The following NR3C2 variants were observed in gnomAD, a reference collection of about 807,000 sequenced individuals.
NR3C2 encodes mineralocorticoid receptor.
Under a neutral mutation model 86.4 loss-of-function variants are expected in NR3C2, and 15 were observed. The observed-to-expected ratio is 0.17, with a 90% CI of 0.12 to 0.27. The LOEUF is 0.27. Ranked by LOEUF, NR3C2 falls within the 10% of genes least tolerant of loss-of-function variation. The pLI, the probability that NR3C2 is intolerant of heterozygous loss-of-function variation, is 1.00. For missense variants in NR3C2, 960 were observed against 1,195.6 expected (o/e 0.80, Z 2.91); for synonymous variants, 458 against 450.5 (o/e 1.02, Z -0.21).
intron 6 of NR3C2, among the ~76,000 whole-genome samples, chr4:148,136,056 C>CAAAAAAAAAAAAAAAA (rs199716496): frequency 1.2e-3 from 86 of 71,076 alleles, no homozygotes; most frequent in South Asian, 2.0e-3. Context: ...GACTCCGTCT[C>CAAAAAAAAAAAAAAAA]AAAAAAAAAA....
At chr4:148,210,181 T>TTTTTTG (rs531120437) in intron 3 of NR3C2, among the ~76,000 whole-genome samples, 2 of 151,870 alleles carry the variant, frequency 1.3e-5, no homozygotes, top group African/African-American at 2.4e-5. Context: ...TTTTAGGTGT[T>TTTTTTG]TTTTTGTTTT....
intron 2 of NR3C2, among the ~76,000 whole-genome samples, chr4:148,312,790 C>T (rs917243309): frequency 1.3e-5 from 2 of 152,136 alleles, no homozygotes; most frequent in Non-Finnish European, 2.9e-5. Flanking sequence ...TAAGTTGATA[C>T]ATTCTTGCTT....
At chr4:148,364,244 C>T (rs1034511330) in intron 2 of NR3C2, among the ~76,000 whole-genome samples, 1 of 152,180 alleles carries the variant, frequency 6.6e-6, no homozygotes, top group Non-Finnish European at 1.5e-5. Flanking sequence ...AGGAGCTTCG[C>T]CATACTACTA....
chr4:148,303,276 C>G (rs1742435110), intron 2 of NR3C2, among the ~76,000 whole-genome samples: 1 of 152,148 alleles, frequency 6.6e-6, no homozygotes, highest in Non-Finnish European at 1.5e-5. Flanking sequence ...TGTGAACCAA[C>G]CAACAATCTC....
intron 2 of NR3C2, among the ~76,000 whole-genome samples, chr4:148,295,160 G>C (rs753557686): frequency 7.2e-5 from 11 of 151,968 alleles, no homozygotes; most frequent in Non-Finnish European, 8.8e-5. Flanking sequence ...TTTGTATTTT[G>C]CCTGATCTTA....
At chr4:148,145,712 G>A (rs1255557072) in intron 6 of NR3C2, among the ~76,000 whole-genome samples, 3 of 152,182 alleles carry the variant, frequency 2.0e-5, no homozygotes, top group Admixed American at 6.5e-5. Flanking sequence ...TCGGCTGCAG[G>A]CCTTGGTCCT....
intron 4 of NR3C2, among the ~76,000 whole-genome samples, chr4:148,160,842 T>C (rs1734624921): frequency 6.6e-6 from 1 of 152,178 alleles, no homozygotes; most frequent in Non-Finnish European, 1.5e-5. Context: ...CCCTCATACA[T>C]GGGGCACGAA....
intron 8 of NR3C2, among the ~76,000 whole-genome samples, chr4:148,106,573 A>G (rs534248164): frequency 1.3e-5 from 2 of 152,350 alleles, no homozygotes; most frequent in African/African-American, 4.8e-5. Flanking sequence ...CTAAGAAAAA[A>G]GAAAAAAGTT....
intron 7 of NR3C2, among the ~76,000 whole-genome samples, chr4:148,119,025 A>G (rs562605009): frequency 6.6e-6 from 1 of 152,234 alleles, no homozygotes; most frequent in Admixed American, 6.5e-5. Flanking sequence ...AGAGACCCTT[A>G]TAAAGCCATA....
Position 148,171,439 on chromosome 4 carries a change from C to G in NR3C2, c.2015-16538G>C, listed in dbSNP as rs536788105. Among the ~76,000 whole-genome samples, 163 of 152,278 alleles carry G rather than the reference C, an allele frequency of 1.1e-3. 1 individual carries two copies. Among genetic ancestry groups the G allele is most frequent in the African/African-American group, 3.8e-3 (157 of 41,548 alleles). On this transcript the variant is annotated intron_variant, in intron 4 of 8. Transcript: ENST00000358102. ...GCAGTGGTTCCCAACCTTTTGGGCA[C>G]CAGGGACTGGTTTTGTGGAGGACAT...
intron 2 of NR3C2, among the ~76,000 whole-genome samples, chr4:148,302,003 T>C (rs1290994899): frequency 6.6e-6 from 1 of 152,250 alleles, no homozygotes; most frequent in African/African-American, 2.4e-5. Context: ...AAGATTGTTA[T>C]GTTAAGTTAT....
At chr4:148,132,061 T>G (rs930372154) in intron 6 of NR3C2, among the ~76,000 whole-genome samples, 1 of 152,184 alleles carries the variant, frequency 6.6e-6, no homozygotes, top group Non-Finnish European at 1.5e-5. Context: ...TATACAGTAG[T>G]TTTTAAAATA....
intron 6 of NR3C2, among the ~76,000 whole-genome samples, chr4:148,126,135 C>T (rs974187144): frequency 6.6e-6 from 1 of 152,230 alleles, no homozygotes; most frequent in African/African-American, 2.4e-5. Flanking sequence ...AGCCCATCAG[C>T]CTTTCAGCAT....
intron 2 of NR3C2, among the ~76,000 whole-genome samples, chr4:148,380,498 T>C (rs1054847702): frequency 1.3e-5 from 2 of 152,216 alleles, no homozygotes; most frequent in African/African-American, 2.4e-5. Flanking sequence ...GAATTCTATA[T>C]TTAAACTTTT....
intron 4 of NR3C2, among the ~76,000 whole-genome samples, chr4:148,171,544 T>C (rs1175117954): frequency 6.6e-6 from 1 of 152,190 alleles, no homozygotes; most frequent in Non-Finnish European, 1.5e-5. Context: ...TATATTCTCA[T>C]AAGAAATGCA....
chr4:148,305,540 TAA>T (rs3054606), intron 2 of NR3C2, among the ~76,000 whole-genome samples: 17 of 134,764 alleles, frequency 1.3e-4, no homozygotes, highest in Admixed American at 1.5e-4. Context: ...CATTCTTTCT[TAA>T]AAAAAAAAAA....
At chr4:148,084,433 G>A (rs1280835230) in intron 8 of NR3C2, among the ~76,000 whole-genome samples, 5 of 152,172 alleles carry the variant, frequency 3.3e-5, no homozygotes, top group African/African-American at 1.2e-4. Flanking sequence ...ATAAGTGAAG[G>A]AGAAATAAAA....
At chr4:148,129,222 C>G (rs561044340) in intron 6 of NR3C2, among the ~76,000 whole-genome samples, 8 of 152,286 alleles carry the variant, frequency 5.3e-5, no homozygotes, top group South Asian at 4.1e-4. Context: ...TATGCTACAC[C>G]ATGGATGAAG....
At chr4:148,155,277 T>C (rs966716169) in intron 4 of NR3C2, among the ~76,000 whole-genome samples, 1 of 152,160 alleles carries the variant, frequency 6.6e-6, no homozygotes, top group Non-Finnish European at 1.5e-5. Context: ...GCAGTGCAGG[T>C]AGAGATCGGT....
Sources: allele counts gnomAD v4.1 joint callset (sites outside exome capture counted in the v4.1 genomes callset), GRCh38; gene constraint gnomAD v4.1.1; transcripts MANE v1.5; gene names NCBI Gene and HGNC (gene_info 2026-07-23, HGNC 2026-07-21).